The following SLC27A2 variants were observed in gnomAD, a reference collection of about 807,000 sequenced individuals.
SLC27A2 encodes the protein long-chain fatty acid transport protein 2.
Under a neutral mutation model 60.0 loss-of-function variants are expected in SLC27A2, and 54 were observed. The observed-to-expected ratio is 0.90, with a 90% CI of 0.72 to 1.13. SLC27A2 has a LOEUF of 1.13. Among genes scored for constraint, SLC27A2 ranks in the 50% most tolerant of loss-of-function variants. The pLI is 0.00. For missense variants in SLC27A2, 739 were observed against 777.6 expected (o/e 0.95, Z 0.59); for synonymous variants, 297 against 297.6 (o/e 1.00, Z 0.02).
At chr15:50,208,749 AT>A (rs750289083) in intron 4 of SLC27A2, among the ~76,000 whole-genome samples, 6 of 152,192 alleles carry the variant, frequency 3.9e-5, no homozygotes, top group Admixed American at 1.3e-4. Flanking sequence ...GACTTAAGTG[AT>A]TTTTAAAATA....
intron 1 of SLC27A2, among the ~76,000 whole-genome samples, chr15:50,194,485 G>A (rs1459105879): frequency 2.0e-5 from 3 of 152,080 alleles, no homozygotes; most frequent in Non-Finnish European, 4.4e-5. Flanking sequence ...GAGTGGGACC[G>A]GGAGGCACCT....
chr15:50,182,810 G>A lies in SLC27A2; in HGVS notation c.383G>A (p.Gly128Asp). 6.2e-7 allele frequency: 1 copy of A among 1,613,598 alleles called. No homozygotes were observed. The highest frequency in any genetic ancestry group is 1.7e-5 in the Admixed American group (1 of 60,034). Residue 128 changes from glycine (G) to aspartate (D), a missense_variant, in exon 1 of 10, where the codon GGC (glycine) becomes GAC (aspartate). By Grantham distance (94) the Gly-to-Asp change is moderately conservative. Transcript: ENST00000267842. ...CTGTGGCTGGGGCTGGTGAAGCTGG[G>A]CTGTGCCATGGCGTGCCTCAATTAC... ...VWLWLGLVKL[G>D]CAMACLNYNI...
In SLC27A2 at chr15:50,220,112, G is replaced by A. The variant is rs1054741727; in HGVS notation, c.973-2853G>A. ...TCCAGCCTTAATCCCTTTTGCTGAT[G>A]TAATAAGATTCTTCAGCTGGATGAT... On this transcript the variant is annotated intron_variant, in intron 4 of 9. Coordinates refer to ENST00000267842, the MANE Select transcript of SLC27A2 (RefSeq NM_003645.4). 2.6e-5 allele frequency among the ~76,000 whole-genome samples: 4 copies of A among 152,324 alleles called. No individual in the cohort carries two copies. In the East Asian group the frequency reaches 7.7e-4, roughly 29 times the overall value.
chr15:50,228,632 G>A (rs1035690050), intron 7 of SLC27A2, among the ~76,000 whole-genome samples: 11 of 152,100 alleles, frequency 7.2e-5, no homozygotes, highest in Admixed American at 3.3e-4. Context: ...GCAGAAAATC[G>A]TTGAGATTTC....
At chr15:50,182,981 AG>A (rs1324197257) in intron 1 of SLC27A2, 76 bp downstream of exon 1, 35 of 1,436,400 alleles carry the variant, frequency 2.4e-5, no homozygotes, top group Non-Finnish European at 3.3e-5. Context: ...GCGTGGCATA[AG>A]GGGTTCGCAG....
intron 4 of SLC27A2, among the ~76,000 whole-genome samples, chr15:50,219,052 T>C (rs894622376): frequency 1.3e-5 from 2 of 152,338 alleles, no homozygotes; most frequent in East Asian, 3.9e-4. Context: ...CATAGTGTAT[T>C]ACTTGGCTCC....
chr15:50,202,044 A>G, intron 2 of SLC27A2, among the ~76,000 whole-genome samples: 1 of 152,364 alleles, frequency 6.6e-6, no homozygotes, highest in South Asian at 2.1e-4. Flanking sequence ...AATGTCTTGC[A>G]AAGTGGTAGC....
At chr15:50,196,964 C>T (rs776580260) in intron 1 of SLC27A2, among the ~76,000 whole-genome samples, 5 of 152,010 alleles carry the variant, frequency 3.3e-5, no homozygotes, top group African/African-American at 4.8e-5. Flanking sequence ...CATCTTTAGT[C>T]CTGTGTGGCA....
chr15:50,210,444 G>A (rs937830078), intron 4 of SLC27A2, among the ~76,000 whole-genome samples: 23 of 152,156 alleles, frequency 1.5e-4, no homozygotes, highest in African/African-American at 3.9e-4. Context: ...GAGCCAAACC[G>A]AGCAAAATAC....
intron 4 of SLC27A2, among the ~76,000 whole-genome samples, chr15:50,211,944 A>G (rs7182507): frequency 0.34 from 50,794 of 150,742 alleles, 8,758 homozygotes; most frequent in African/African-American, 0.41. Context: ...GGTGGCAGGC[A>G]CCTGTAGTCC....
At chr15:50,228,247 C>T (rs534314052) in intron 7 of SLC27A2, among the ~76,000 whole-genome samples, 5 of 151,966 alleles carry the variant, frequency 3.3e-5, no homozygotes, top group South Asian at 2.1e-4. Context: ...CATAGTGGCA[C>T]GCGCCTGTAG....
intron 1 of SLC27A2, 138 bp from the exon 2 acceptor site, chr15:50,197,362 C>T (rs1341969087): frequency 1.4e-5 from 8 of 591,428 alleles, no homozygotes; most frequent in East Asian, 1.1e-4. Flanking sequence ...AAATGCATAA[C>T]GATAAGCATC....
intron 1 of SLC27A2, among the ~76,000 whole-genome samples, chr15:50,185,633 T>A: frequency 8.7e-6 from 1 of 115,324 alleles, no homozygotes; most frequent in Non-Finnish European, 2.0e-5. Flanking sequence ...TTTTTTTTTT[T>A]TTTTTTTTTT....
chr15:50,183,754 G>A (rs1218575526), intron 1 of SLC27A2, among the ~76,000 whole-genome samples: 1 of 152,142 alleles, frequency 6.6e-6, no homozygotes, highest in African/African-American at 2.4e-5. Flanking sequence ...AGTAAGAAGA[G>A]GCCTACACAG....
chr15:50,221,652 A>G (rs1287770894), intron 4 of SLC27A2, among the ~76,000 whole-genome samples: 1 of 152,222 alleles, frequency 6.6e-6, no homozygotes, highest in African/African-American at 2.4e-5. Flanking sequence ...ATAATATAGA[A>G]AAAGCTCTAA....
At chr15:50,216,650 ATATATAG>A (rs1490517849) in intron 4 of SLC27A2, among the ~76,000 whole-genome samples, 1 of 102,866 alleles carries the variant, frequency 9.7e-6, no homozygotes, top group Non-Finnish European at 2.0e-5. Flanking sequence ...ATATATATAT[ATATATAG>A]TATAGTTTGA....
Position 50,227,062 on chromosome 15 carries a change from G to T in SLC27A2, c.1341G>T (p.Lys447Asn), listed in dbSNP as rs748229498. The part of the protein sequence containing the change: ...GYAGAKAQTE[K>N]KKLRDVFKKG... ...CTGGAGCAAAGGCTCAGACAGAGAA[G>T]AAAAAACTGAGAGATGTCTTTAAGA... Residue 447 changes from lysine (K) to asparagine (N), a missense_variant, in exon 7 of 10, where the codon AAG becomes AAT. By Grantham distance (94) the Lys-to-Asn change is moderately conservative. Transcript: ENST00000267842. The T allele has an allele frequency of 2.5e-6, 4 of 1,614,164 alleles. No homozygotes were observed. In the Admixed American group the frequency reaches 5.0e-5, roughly 20 times the overall value.
In SLC27A2 at chr15:50,182,357, G is replaced by C. The variant is rs562440419; in HGVS notation, c.-71G>C. On this transcript the variant is annotated 5_prime_UTR_variant, in exon 1 of 10. Coordinates refer to ENST00000267842, the MANE Select transcript of SLC27A2 (RefSeq NM_003645.4). ...CAGCCCGCCAGTCCGCCCGGAGCCC[G>C]CCCAGTCGCCGCGCTGCACGCCCGG... 12 of 1,400,378 alleles carry C rather than the reference G, an allele frequency of 8.6e-6. No homozygotes were observed. In the South Asian group the frequency reaches 2.0e-4, roughly 23 times the overall value. The allele number at this position is 1,400,378 out of a possible 1,614,324, so 86.7% of individuals were successfully genotyped here.
chr15:50,202,254 C>T (rs371928041), intron 2 of SLC27A2, among the ~76,000 whole-genome samples: 2 of 152,220 alleles, frequency 1.3e-5, no homozygotes, highest in South Asian at 4.1e-4. Context: ...CTTTTGACTA[C>T]AATAGCAGAG....
Sources: gnomAD v4.1 joint callset for allele counts (sites outside exome capture counted in the v4.1 genomes callset) on GRCh38, gnomAD v4.1.1 for gene constraint, MANE v1.5 for transcripts, NCBI Gene and HGNC (gene_info 2026-07-23, HGNC 2026-07-21) for gene names.